The following ROR1 variants were observed in gnomAD, a reference collection of about 807,000 sequenced individuals.
ROR1 encodes inactive tyrosine-protein kinase transmembrane receptor ROR1.
ROR1 carries 19 observed loss-of-function variants against 78.8 expected under a neutral mutation model. That is an observed-to-expected ratio of 0.24 (90% confidence interval 0.17 to 0.35). The LOEUF (loss-of-function observed/expected upper bound fraction) is 0.35. Ranked by LOEUF, ROR1 falls within the 10% of genes least tolerant of loss-of-function variation. ROR1 has a pLI of 1.00. For missense variants in ROR1, 917 were observed against 1,177.8 expected, an observed-to-expected ratio of 0.78 and a Z score of 3.24; for synonymous variants, 386 against 433.6, an observed-to-expected ratio of 0.89 and a Z score of 1.36.
At chr1:64,024,939 C>A (rs1488874658) in intron 2 of ROR1, among the ~76,000 whole-genome samples, 1 of 152,048 alleles carries the variant, frequency 6.6e-6, no homozygotes, top group African/African-American at 2.4e-5. Context: ...AGATACTGAT[C>A]TTTTGTTTGA....
Position 64,036,755 on chromosome 1 carries a change from C to A in ROR1, c.164-12936C>A, listed in dbSNP as rs78457812. ...CAAACCACAACAAACATAGTAGCTT[C>A]CAGCAACAATCATGTATTATTATTC... is the stretch of plus-strand genomic sequence containing the variant. On this transcript the variant is annotated intron_variant, in intron 2 of 8. Transcript: ENST00000371079. 3.8e-3 allele frequency among the ~76,000 whole-genome samples: 572 copies of A among 152,306 alleles called. 6 individuals carry two copies. Among genetic ancestry groups the A allele is most frequent in the African/African-American group, 0.013 (549 of 41,564 alleles).
chr1:63,832,343 T>G (rs558351047), intron 1 of ROR1, among the ~76,000 whole-genome samples: 1 of 152,328 alleles, frequency 6.6e-6, no homozygotes, highest in African/African-American at 2.4e-5. Context: ...CACACTGTTA[T>G]AAAGAACTGC....
chr1:63,831,218 G>T (rs1232009367), intron 1 of ROR1, among the ~76,000 whole-genome samples: 1 of 152,172 alleles, frequency 6.6e-6, no homozygotes. Context: ...GAGGCTGGTG[G>T]CCCTCTTCTC....
chr1:64,083,937 C>T (rs1453164913), intron 4 of ROR1, among the ~76,000 whole-genome samples: 1 of 152,102 alleles, frequency 6.6e-6, no homozygotes, highest in Non-Finnish European at 1.5e-5. Flanking sequence ...AAAATCTTGC[C>T]TTAAATGCAT....
intron 1 of ROR1, among the ~76,000 whole-genome samples, chr1:63,896,096 A>G (rs752212121): frequency 6.6e-6 from 1 of 151,986 alleles, no homozygotes; most frequent in African/African-American, 2.4e-5. Flanking sequence ...TTCATTCACA[A>G]TGTGCTTCCT....
chr1:64,052,202 T>TC (rs201305658), intron 4 of ROR1, among the ~76,000 whole-genome samples: 5 of 151,166 alleles, frequency 3.3e-5, no homozygotes, highest in African/African-American at 1.2e-4. Flanking sequence ...TTTTTTTTTT[T>TC]CAATGGTCTC....
chr1:63,821,800 A>G (rs1304707414), intron 1 of ROR1, among the ~76,000 whole-genome samples: 1 of 152,230 alleles, frequency 6.6e-6, no homozygotes, highest in Non-Finnish European at 1.5e-5. Flanking sequence ...ATGTAGCTTA[A>G]GAAAAGTCCC....
At chr1:63,932,247 G>A (rs1160961372) in intron 1 of ROR1, among the ~76,000 whole-genome samples, 1 of 152,164 alleles carries the variant, frequency 6.6e-6, no homozygotes, top group Non-Finnish European at 1.5e-5. Context: ...AAAGGTGCAG[G>A]GGTGATAGAT....
chr1:64,164,348 A>G (rs1249103941), intron 8 of ROR1, among the ~76,000 whole-genome samples: 3 of 152,188 alleles, frequency 2.0e-5, no homozygotes, highest in African/African-American at 4.8e-5. Context: ...AGTCTGATAC[A>G]CTTCAAAGAG....
chr1:64,050,230 C>T (rs1646817914), intron 3 of ROR1, among the ~76,000 whole-genome samples: 1 of 152,158 alleles, frequency 6.6e-6, no homozygotes, highest in Non-Finnish European at 1.5e-5. Flanking sequence ...CCTCAGAGCC[C>T]CTAATTGAAA....
At chr1:63,857,195 A>G (rs780850619) in intron 1 of ROR1, among the ~76,000 whole-genome samples, 7 of 151,190 alleles carry the variant, frequency 4.6e-5, no homozygotes, top group Non-Finnish European at 8.8e-5. Flanking sequence ...TTAGATATGC[A>G]TCTTCATATA....
At chr1:63,790,307 C>G (rs1368184867) in intron 1 of ROR1, among the ~76,000 whole-genome samples, 2 of 152,314 alleles carry the variant, frequency 1.3e-5, no homozygotes, top group East Asian at 3.9e-4. Context: ...GCCGAGATAA[C>G]TCCAGCTTAC....
chr1:64,071,729 T>A (rs1647005667), intron 4 of ROR1, among the ~76,000 whole-genome samples: 2 of 152,208 alleles, frequency 1.3e-5, no homozygotes, highest in African/African-American at 4.8e-5. Context: ...TGTCTCTGAT[T>A]TTCACAGCAT....
At chr1:64,000,952 TG>T (rs2100532545) in intron 1 of ROR1, among the ~76,000 whole-genome samples, 2 of 152,372 alleles carry the variant, frequency 1.3e-5, no homozygotes, top group East Asian at 3.9e-4. Context: ...CCAATGTATT[TG>T]CTTATTATTG....
intron 1 of ROR1, among the ~76,000 whole-genome samples, chr1:63,801,046 T>C (rs772980765): frequency 6.6e-6 from 1 of 152,138 alleles, no homozygotes; most frequent in South Asian, 2.1e-4. Context: ...TACTTATTGC[T>C]GATTTTGTTA....
At chr1:64,124,617 C>A (rs991067574) in intron 4 of ROR1, among the ~76,000 whole-genome samples, 7 of 152,124 alleles carry the variant, frequency 4.6e-5, no homozygotes, top group Admixed American at 4.6e-4. Flanking sequence ...CCTCTAGTAG[C>A]CCTGACACAC....
chr1:63,876,766 A>G (rs1177577451), intron 1 of ROR1, among the ~76,000 whole-genome samples: 3 of 151,280 alleles, frequency 2.0e-5, no homozygotes, highest in Non-Finnish European at 2.9e-5. Context: ...TTTCAAGGCT[A>G]TGTTTTAGGT....
intron 8 of ROR1, among the ~76,000 whole-genome samples, chr1:64,174,247 A>G (rs959835795): frequency 6.6e-6 from 1 of 152,198 alleles, no homozygotes; most frequent in Non-Finnish European, 1.5e-5. Context: ...ACAGAGGTTC[A>G]GAAAAGTTAA....
intron 1 of ROR1, among the ~76,000 whole-genome samples, chr1:63,825,080 G>T (rs559266256): frequency 6.6e-6 from 1 of 152,106 alleles, no homozygotes; most frequent in East Asian, 1.9e-4. Flanking sequence ...TCCATTTCTG[G>T]TAGGAATCTA....
Sources: gnomAD v4.1 joint callset for allele counts (sites outside exome capture counted in the v4.1 genomes callset) on GRCh38, gnomAD v4.1.1 for gene constraint, MANE v1.5 for transcripts, NCBI Gene and HGNC (gene_info 2026-07-23, HGNC 2026-07-21) for gene names.